COL21A1: variants seen among roughly 807,000 people sequenced by gnomAD.
The protein encoded by COL21A1 is collagen alpha-1(XXI) chain.
COL21A1 carries 149 observed loss-of-function variants against 137.9 expected under a neutral mutation model. The observed-to-expected ratio is 1.08, with a 90% CI of 0.95 to 1.24. The LOEUF is 1.24. Among genes scored for constraint, COL21A1 ranks in the 50% most tolerant of loss-of-function variants. The probability of loss-of-function intolerance (pLI) is 0.00; values close to 1 mark genes in which losing one functional copy is unlikely to be tolerated. For synonymous variants in COL21A1, 456 were observed against 391.5 expected, an observed-to-expected ratio of 1.16 and a Z score of -1.95; for missense variants, 1,167 against 1,158.4, an observed-to-expected ratio of 1.01 and a Z score of -0.11.
chr6:56,125,714 TG>T (rs1773003260), intron 13 of COL21A1, 94 bp from the exon 14 acceptor site: 1 of 739,258 alleles, frequency 1.4e-6, no homozygotes, highest in South Asian at 3.0e-5. Flanking sequence ...GAGTTTAATA[TG>T]CCAAAAGCAA....
Position 56,060,171 on chromosome 6 carries a change from G to T in COL21A1, c.2455C>A (p.His819Asn), listed in dbSNP as rs375165085. The T allele has an allele frequency of 1.9e-6, 3 of 1,609,702 alleles. No homozygotes were observed. Among genetic ancestry groups the T allele is most frequent in the South Asian group, 1.1e-5 (1 of 90,410 alleles). Reference protein sequence around the residue: ...LQSGRIRNCDHCLSQHGSPGI... With the variant: ...LQSGRIRNCDNCLSQHGSPGI... Reference sequence around the variant, plus strand: ...GGGGAGCCATGTTGGGACAGGCAATGATCACAATTTCTAATTCTTCCACTC... The same window carrying T: ...GGGGAGCCATGTTGGGACAGGCAATTATCACAATTTCTAATTCTTCCACTC... The change falls in exon 28 of 30, where the codon CAT (histidine) becomes AAT (asparagine). Residue 819 changes from histidine (H) to asparagine (N), a missense_variant. Physicochemically the swap from His to Asn is moderately conservative, Grantham distance 68. Coordinates refer to ENST00000244728, the MANE Select transcript of COL21A1 (RefSeq NM_030820.4).
intron 10 of COL21A1, among the ~76,000 whole-genome samples, chr6:56,147,222 A>G: frequency 6.6e-6 from 1 of 152,110 alleles, no homozygotes; most frequent in South Asian, 2.1e-4. Flanking sequence ...ATCAATAGCT[A>G]ACCTCATTTC....
intron 1 of COL21A1, among the ~76,000 whole-genome samples, chr6:56,209,294 T>A (rs1779999616): frequency 6.6e-6 from 1 of 152,046 alleles, no homozygotes; most frequent in African/African-American, 2.4e-5. Flanking sequence ...CTAATTAAAC[T>A]AAAGAGCTTC....
chr6:56,067,142 T>C (rs538489770), intron 23 of COL21A1, among the ~76,000 whole-genome samples, 153 bp downstream of exon 23: 1 of 151,718 alleles, frequency 6.6e-6, no homozygotes, highest in Admixed American at 6.6e-5. Flanking sequence ...TCAAATTTGG[T>C]CTTGTCTGAA....
At chr6:56,174,112 G>C (rs1002024889) in intron 3 of COL21A1, among the ~76,000 whole-genome samples, 8 of 151,980 alleles carry the variant, frequency 5.3e-5, no homozygotes, top group African/African-American at 1.9e-4. Context: ...AGAAATCAGA[G>C]ACAAAGTTAG....
chr6:56,077,401 G>T, intron 18 of COL21A1, 128 bp downstream of exon 18: 1 of 647,188 alleles, frequency 1.5e-6, no homozygotes, highest in Non-Finnish European at 2.6e-6. Flanking sequence ...CCAAAACAAC[G>T]TCTTCTAAAA....
intron 16 of COL21A1, among the ~76,000 whole-genome samples, chr6:56,113,088 G>T (rs1771594845): frequency 6.6e-6 from 1 of 152,188 alleles, no homozygotes; most frequent in Admixed American, 6.5e-5. Flanking sequence ...AAGCGCTTCA[G>T]TCTCCAAGTA....
chr6:56,126,114 A>T lies in COL21A1; in HGVS notation c.1578T>A (p.His526Gln). Reference protein sequence around the residue: ...DRGLPGFPGLHGMPGSKGEMG... With the variant: ...DRGLPGFPGLQGMPGSKGEMG... Reference sequence around the variant, plus strand: ...CTTCAACCTTTGATCCTGGCATGCCATGAAGCCCAGGAAAACCAGGAAGTC... The same window carrying T: ...CTTCAACCTTTGATCCTGGCATGCCTTGAAGCCCAGGAAAACCAGGAAGTC... The change falls in exon 13 of 30, where the codon CAT (histidine) becomes CAA (glutamine). Residue 526 changes from histidine to glutamine, a missense_variant. Physicochemically the swap from His to Gln is conservative, Grantham distance 24. Transcript: ENST00000244728. The T allele has an allele frequency of 6.5e-7, 1 of 1,548,794 alleles. No individual in the cohort carries two copies. The highest frequency in any genetic ancestry group is 8.7e-7 in the Non-Finnish European group (1 of 1,145,402).
At chr6:56,289,826 G>A (rs553968045) in intron 1 of COL21A1, among the ~76,000 whole-genome samples, 4 of 152,132 alleles carry the variant, frequency 2.6e-5, no homozygotes, top group Non-Finnish European at 2.9e-5. Flanking sequence ...GTCGTTAAGG[G>A]GAGTCTATTA....
At chr6:56,339,729 A>G (rs142486768) in intron 1 of COL21A1, among the ~76,000 whole-genome samples, 5 of 152,376 alleles carry the variant, frequency 3.3e-5, no homozygotes, top group African/African-American at 1.2e-4. Flanking sequence ...TGCAGACACC[A>G]TGAGTGGAAT....
intron 1 of COL21A1, among the ~76,000 whole-genome samples, chr6:56,376,645 A>G (rs200814607): frequency 3.1e-5 from 3 of 98,138 alleles, no homozygotes; most frequent in Non-Finnish European, 6.3e-5. Context: ...TTTTAGAGAT[A>G]GGGGAGAAGT....
chr6:56,099,367 G>T (rs1355726841), intron 17 of COL21A1, among the ~76,000 whole-genome samples: 1 of 151,062 alleles, frequency 6.6e-6, no homozygotes, highest in Non-Finnish European at 1.5e-5. Flanking sequence ...TCTCCGAGTA[G>T]CTGGGACTAC....
intron 24 of COL21A1, among the ~76,000 whole-genome samples, chr6:56,063,712 A>G (rs1471241361): frequency 2.6e-5 from 4 of 151,752 alleles, no homozygotes; most frequent in Non-Finnish European, 2.9e-5. Flanking sequence ...GGTCTCTCAG[A>G]CTCCTCCAAG....
chr6:56,121,791 T>C (rs1168064721), intron 16 of COL21A1, among the ~76,000 whole-genome samples: 1 of 151,754 alleles, frequency 6.6e-6, no homozygotes, highest in Non-Finnish European at 1.5e-5. Flanking sequence ...AATTTTGCTA[T>C]AAACCTAAAA....
Position 56,170,979 on chromosome 6 carries a change from C to A in COL21A1, c.790G>T (p.Asp264Tyr). ...IKGYEVTSKV[D>Y]LSELTSNVFP... ...GCATACCTTGTGAGTTCTGATAAAT[C>A]AACTTTTGATGTTACTTCATATCCT... The change falls in exon 4 of 30, where the codon GAT (aspartate) becomes TAT (tyrosine). Residue 264 changes from aspartate to tyrosine, a missense_variant. By Grantham distance (160) the Asp-to-Tyr change is radical. Transcript: ENST00000244728. 3 of 1,602,464 alleles carry A rather than the reference C, an allele frequency of 1.9e-6. No individual in the cohort carries two copies. In the South Asian group the frequency reaches 3.4e-5, roughly 18 times the overall value.
At chr6:56,096,694 G>A (rs2114230349) in intron 17 of COL21A1, among the ~76,000 whole-genome samples, 1 of 152,214 alleles carries the variant, frequency 6.6e-6, no homozygotes, top group Non-Finnish European at 1.5e-5. Context: ...TTACAGGGAT[G>A]AATCACCATT....
intron 1 of COL21A1, among the ~76,000 whole-genome samples, chr6:56,187,028 T>A (rs1304571974): frequency 6.6e-6 from 1 of 152,254 alleles, no homozygotes; most frequent in African/African-American, 2.4e-5. Context: ...TGCTTTCTGT[T>A]GTTATAACTC....
chr6:56,207,847 A>T (rs1381450086), intron 1 of COL21A1, among the ~76,000 whole-genome samples: 1 of 152,238 alleles, frequency 6.6e-6, no homozygotes, highest in East Asian at 1.9e-4. Flanking sequence ...CAATCAAATC[A>T]GGTTCATCCC....
At chr6:56,301,195 T>C (rs745491358) in intron 1 of COL21A1, among the ~76,000 whole-genome samples, 4 of 152,144 alleles carry the variant, frequency 2.6e-5, no homozygotes, top group Non-Finnish European at 5.9e-5. Context: ...GTGTCTAAAT[T>C]AAGGATCTTG....
Sources: allele counts gnomAD v4.1 joint callset (sites outside exome capture counted in the v4.1 genomes callset), GRCh38; gene constraint gnomAD v4.1.1; transcripts MANE v1.5; gene names NCBI Gene and HGNC (gene_info 2026-07-23, HGNC 2026-07-21).